PLA2G5: variants seen among roughly 807,000 people sequenced by gnomAD.
PLA2G5 encodes the protein Ca2+-dependent phospholipase A2.
In PLA2G5, 12 loss-of-function variants were observed where a neutral mutation model predicts 15.9. That is an observed-to-expected ratio of 0.76 (90% CI 0.48 to 1.23). The LOEUF (loss-of-function observed/expected upper bound fraction) is 1.23. Ranked by LOEUF, PLA2G5 falls within the 50% of genes most tolerant of loss-of-function variation. The probability of loss-of-function intolerance (pLI) is 0.00; values close to 1 mark genes in which losing one functional copy is unlikely to be tolerated. For synonymous variants in PLA2G5, 71 were observed against 71.4 expected (o/e 0.99, Z 0.03); for missense variants, 169 against 177.1 (o/e 0.95, Z 0.26).
At chr1:20,048,472 T>C (rs1340512398) in intron 1 of PLA2G5, among the ~76,000 whole-genome samples, 2 of 152,196 alleles carry the variant, frequency 1.3e-5, no homozygotes, top group African/African-American at 4.8e-5. Flanking sequence ...GACATTGATA[T>C]TTGTTTAATG....
In PLA2G5 at chr1:20,090,797, C is replaced by A; in HGVS notation, c.*105C>A. Reference sequence around the variant, plus strand: ...CTGAGAGAGGCTCCTAAGTCACAGACCTCAGTCTTTCTCGAAGCTTGGCGG... The same window carrying A: ...CTGAGAGAGGCTCCTAAGTCACAGAACTCAGTCTTTCTCGAAGCTTGGCGG... On this transcript the variant is annotated 3_prime_UTR_variant, in exon 5 of 5. Transcript: ENST00000375108. 2 of 1,236,812 alleles carry A rather than the reference C, an allele frequency of 1.6e-6. No individual in the cohort carries two copies. The highest frequency in any genetic ancestry group is 2.3e-6 in the Non-Finnish European group (2 of 854,214). 76.6% of individuals were successfully genotyped at this position (1,236,812 alleles called of 1,614,324 possible).
intron 1 of PLA2G5, among the ~76,000 whole-genome samples, chr1:20,083,680 G>A (rs1243566404): frequency 6.6e-6 from 1 of 151,870 alleles, no homozygotes; most frequent in African/African-American, 2.4e-5. Context: ...GAGAGGTAGA[G>A]CATGAGAAGG....
chr1:20,039,457 G>C (rs1279382628), intron 1 of PLA2G5, among the ~76,000 whole-genome samples: 2 of 152,166 alleles, frequency 1.3e-5, no homozygotes, highest in African/African-American at 4.8e-5. Context: ...TACACTTGGA[G>C]AACTATTCCA....
intron 1 of PLA2G5, among the ~76,000 whole-genome samples, chr1:20,052,548 C>T (rs545235561): frequency 7.9e-5 from 12 of 152,216 alleles, no homozygotes; most frequent in South Asian, 2.1e-4. Context: ...CCTTCCTCCC[C>T]GTATTTTCTC....
chr1:20,075,467 A>G (rs972304857), intron 1 of PLA2G5, among the ~76,000 whole-genome samples: 1 of 152,226 alleles, frequency 6.6e-6, no homozygotes, highest in African/African-American at 2.4e-5. Flanking sequence ...TCAACTCAGA[A>G]CATAGACATG....
At chr1:20,082,302 G>C (rs929346405) in intron 1 of PLA2G5, among the ~76,000 whole-genome samples, 1 of 151,832 alleles carries the variant, frequency 6.6e-6, no homozygotes, top group Non-Finnish European at 1.5e-5. Flanking sequence ...GGGGTGGGCT[G>C]TCCGCACGCT....
intron 1 of PLA2G5, among the ~76,000 whole-genome samples, chr1:20,043,332 A>C (rs780698328): frequency 1.3e-5 from 2 of 152,122 alleles, no homozygotes; most frequent in Non-Finnish European, 2.9e-5. Context: ...AAAATGGGGG[A>C]ATTGTAAAGA....
intron 1 of PLA2G5, among the ~76,000 whole-genome samples, chr1:20,073,436 G>A (rs927581465): frequency 6.6e-6 from 1 of 152,198 alleles, no homozygotes; most frequent in Non-Finnish European, 1.5e-5. Context: ...ATGCTAGGCT[G>A]ACACCCAGAT....
At chr1:20,030,112 A>T (rs1301640186) in intron 1 of PLA2G5, among the ~76,000 whole-genome samples, 1 of 152,200 alleles carries the variant, frequency 6.6e-6, no homozygotes, top group East Asian at 1.9e-4. Flanking sequence ...ACACAGAGAA[A>T]AAGTATAGAG....
chr1:20,067,079 T>A (rs186959872), upstream of PLA2G5, among the ~76,000 whole-genome samples: 1 of 152,162 alleles, frequency 6.6e-6, no homozygotes. Context: ...CACTGCAGCC[T>A]CTGCCTGTGA....
chr1:20,070,234 C>T lies in PLA2G5; in HGVS notation c.-242C>T, dbSNP rs1359159164. The T allele has an allele frequency of 1.2e-5, 12 of 985,444 alleles. No homozygotes were observed. The highest frequency in any genetic ancestry group is 1.4e-5 in the Non-Finnish European group (12 of 830,048). 61.0% of individuals were successfully genotyped at this position (985,444 alleles called of 1,614,324 possible). ...AGGGTTCTACCCGGCTGGGTCCAGG[C>T]AGAAGTTTTTCCTCCCCACCTCCGG... On this transcript the variant is annotated 5_prime_UTR_variant, in exon 1 of 5. Transcript: ENST00000375108.
exon 1 of PLA2G5, chr1:20,028,696 A>T (rs2012689579): frequency 1.3e-5 from 2 of 152,256 alleles, no homozygotes; most frequent in Non-Finnish European, 2.9e-5. Context: ...TGGGAGACTG[A>T]CTGGGCTATG....
chr1:20,062,472 T>C (rs1267601717), intron 2 of PLA2G5, among the ~76,000 whole-genome samples: 1 of 152,066 alleles, frequency 6.6e-6, no homozygotes, highest in African/African-American at 2.4e-5. Context: ...TCAAAGCAAG[T>C]CCCCACTTCT....
chr1:20,039,837 T>C (rs818678), intron 1 of PLA2G5, among the ~76,000 whole-genome samples: 79,084 of 152,020 alleles, frequency 0.52, 21,497 homozygotes, highest in Non-Finnish European at 0.62. Flanking sequence ...AGCATTAGCT[T>C]GGTCAGGTTT....
chr1:20,086,173 A>T lies in PLA2G5; in HGVS notation c.131A>T (p.Tyr44Phe), dbSNP rs1204707738. ...AACGCCCTGACAAACTACGGCTTCTACGGCTGTTACTGCGGCTGGGGCGGC... is the reference window on the plus strand; with the variant it reads ...AACGCCCTGACAAACTACGGCTTCTTCGGCTGTTACTGCGGCTGGGGCGGC... ...GKNALTNYGF[Y>F]GCYCGWGGRG... The change falls in exon 3 of 5, where the codon TAC becomes TTC. Residue 44 changes from tyrosine (Y) to phenylalanine (F), a missense_variant. Tyr to Phe is a conservative substitution (Grantham distance 22). Coordinates refer to ENST00000375108, the MANE Select transcript of PLA2G5 (RefSeq NM_000929.3). 6.2e-7 allele frequency: 1 copy of T among 1,614,172 alleles called. No homozygotes were observed. Among genetic ancestry groups the T allele is most frequent in the Non-Finnish European group, 8.5e-7 (1 of 1,180,014 alleles).
At chr1:20,085,152 G>A (rs7538957) in intron 2 of PLA2G5, among the ~76,000 whole-genome samples, 2,846 of 152,276 alleles carry the variant, frequency 0.019, 97 homozygotes, top group African/African-American at 0.064. Flanking sequence ...TGGCTGGCAA[G>A]TGTAGGAGGC....
At chr1:20,070,565 G>A in intron 1 of PLA2G5, 100 bp downstream of exon 1, 3 of 709,064 alleles carry the variant, frequency 4.2e-6, no homozygotes, top group Non-Finnish European at 5.2e-6. Context: ...CCCAAGAGGA[G>A]GCCCAGGGGG....
chr1:20,036,212 T>G (rs922060459), intron 1 of PLA2G5, among the ~76,000 whole-genome samples: 1 of 152,212 alleles, frequency 6.6e-6, no homozygotes, highest in Non-Finnish European at 1.5e-5. Context: ...GATAATTATA[T>G]GTCTAGGTGA....
chr1:20,028,610 A>G (rs564760090), exon 1 of PLA2G5: 1 of 152,284 alleles, frequency 6.6e-6, no homozygotes, highest in African/African-American at 2.4e-5. Context: ...GGAAGCGCTG[A>G]TACTGGACTT....
Sources: allele counts gnomAD v4.1 joint callset (sites outside exome capture counted in the v4.1 genomes callset), GRCh38; gene constraint gnomAD v4.1.1; transcripts MANE v1.5; gene names NCBI Gene and HGNC (gene_info 2026-07-23, HGNC 2026-07-21).